Variants in TENM3 observed in about 807,000 individuals in gnomAD.
TENM3 encodes the protein teneurin-3.
In TENM3, 63 loss-of-function variants were observed where a neutral mutation model predicts 255.1. That is an observed-to-expected ratio of 0.25 (90% confidence interval 0.20 to 0.30). TENM3 has a LOEUF of 0.30. Ranked by LOEUF, TENM3 falls within the 10% of genes least tolerant of loss-of-function variation. TENM3 has a pLI of 1.00. For synonymous variants in TENM3, 1,306 were observed against 1,322.3 expected, an observed-to-expected ratio of 0.99 and a Z score of 0.27; for missense variants, 2,929 against 3,461.1, an observed-to-expected ratio of 0.85 and a Z score of 3.86.
chr4:181,902,409 T>G, the TENM3 span, among the ~76,000 whole-genome samples: 1 of 152,124 alleles, frequency 6.6e-6, no homozygotes, highest in Non-Finnish European at 1.5e-5. Context: ...CTTTTGGTGT[T>G]TTAGTCAGGA....
intron 22 of TENM3, among the ~76,000 whole-genome samples, chr4:182,769,326 A>T (rs1271957275): frequency 2.0e-5 from 3 of 152,046 alleles, no homozygotes; most frequent in Non-Finnish European, 2.9e-5. Context: ...CCTTAGTCAG[A>T]GTCCCCGGGT....
At chr4:182,767,522 C>T (rs1763819678) in intron 22 of TENM3, among the ~76,000 whole-genome samples, 1 of 151,978 alleles carries the variant, frequency 6.6e-6, no homozygotes, top group Admixed American at 6.6e-5. Flanking sequence ...GAAATTTGAG[C>T]CTACGCAACT....
the TENM3 span, among the ~76,000 whole-genome samples, chr4:181,951,457 G>T: frequency 6.6e-6 from 1 of 152,226 alleles, no homozygotes; most frequent in African/African-American, 2.4e-5. Flanking sequence ...TGTTGACAGA[G>T]GTTGACACTT....
At chr4:181,690,562 A>G in the TENM3 span, among the ~76,000 whole-genome samples, 1 of 152,216 alleles carries the variant, frequency 6.6e-6, no homozygotes, top group Admixed American at 6.5e-5. Flanking sequence ...TCATACTGAA[A>G]AAAATTTATG....
chr4:182,431,544 G>A (rs549718865), intron 3 of TENM3, among the ~76,000 whole-genome samples: 1 of 152,182 alleles, frequency 6.6e-6, no homozygotes, highest in South Asian at 2.1e-4. Context: ...CCTAACTAAG[G>A]AACAACAGAA....
the TENM3 span, chr4:181,522,644 CAT>C: frequency 1.4e-5 from 8 of 583,232 alleles, no homozygotes; most frequent in Non-Finnish European, 2.6e-5. Context: ...ATGTTGTAGC[CAT>C]AGTTTTCAGA....
chr4:181,943,806 C>A, the TENM3 span, among the ~76,000 whole-genome samples: 1 of 152,132 alleles, frequency 6.6e-6, no homozygotes, highest in Non-Finnish European at 1.5e-5. Context: ...AGCAATCACC[C>A]CAATTATTCA....
At chr4:181,623,004 C>T in the TENM3 span, among the ~76,000 whole-genome samples, 1 of 152,142 alleles carries the variant, frequency 6.6e-6, no homozygotes, top group Non-Finnish European at 1.5e-5. Flanking sequence ...GTAGAAGGGA[C>T]ATTGATAAAC....
the TENM3 span, among the ~76,000 whole-genome samples, chr4:181,619,676 G>A: frequency 0.18 from 27,294 of 151,834 alleles, 3,003 homozygotes; most frequent in East Asian, 0.34. Context: ...CAATCCTCTC[G>A]CCTCAGCCTC....
chr4:181,533,155 G>T, the TENM3 span, among the ~76,000 whole-genome samples: 1 of 152,186 alleles, frequency 6.6e-6, no homozygotes, highest in African/African-American at 2.4e-5. Context: ...AAGAAGCAAG[G>T]ATCCAGCTAC....
At chr4:181,785,234 T>A in the TENM3 span, among the ~76,000 whole-genome samples, 20 of 152,218 alleles carry the variant, frequency 1.3e-4, 1 homozygote, top group African/African-American at 4.8e-4. Context: ...GATGATAACA[T>A]ACAGATTTGT....
intron 1 of TENM3, among the ~76,000 whole-genome samples, chr4:182,152,967 T>A (rs1360077371): frequency 6.6e-6 from 1 of 151,896 alleles, no homozygotes; most frequent in African/African-American, 2.4e-5. Context: ...ATTTTATATA[T>A]TTTGAGATTC....
At chr4:182,769,965 G>A (rs1192285307) in intron 22 of TENM3, among the ~76,000 whole-genome samples, 2 of 150,990 alleles carry the variant, frequency 1.3e-5, no homozygotes, top group Non-Finnish European at 2.9e-5. Flanking sequence ...AATTACCTGG[G>A]CGTGGTGGCG....
the TENM3 span, among the ~76,000 whole-genome samples, chr4:181,952,135 G>T: frequency 6.6e-6 from 1 of 152,214 alleles, no homozygotes. Context: ...AATTAGGGAT[G>T]TGATCTGTGG....
the TENM3 span, among the ~76,000 whole-genome samples, chr4:181,658,283 G>T: frequency 6.6e-6 from 1 of 152,146 alleles, no homozygotes; most frequent in African/African-American, 2.4e-5. Flanking sequence ...GTTAAACTAA[G>T]AAATCACATG....
At chr4:181,754,750 ACT>A in the TENM3 span, among the ~76,000 whole-genome samples, 1 of 151,814 alleles carries the variant, frequency 6.6e-6, no homozygotes, top group Non-Finnish European at 1.5e-5. Context: ...TACAGTCATG[ACT>A]CTCGTTTCAG....
the TENM3 span, among the ~76,000 whole-genome samples, chr4:181,613,655 C>T: frequency 5.9e-5 from 9 of 152,164 alleles, no homozygotes; most frequent in East Asian, 7.7e-4. Flanking sequence ...AAAAATAACA[C>T]GTCCTTCCCC....
At chr4:181,526,612 C>T in the TENM3 span, among the ~76,000 whole-genome samples, 1 of 152,088 alleles carries the variant, frequency 6.6e-6, no homozygotes, top group Non-Finnish European at 1.5e-5. Flanking sequence ...TTCGAGGGCA[C>T]TTACTCTTAA....
chr4:182,732,994 C>T (rs1760895268), intron 16 of TENM3, among the ~76,000 whole-genome samples: 2 of 152,170 alleles, frequency 1.3e-5, no homozygotes, highest in Admixed American at 1.3e-4. Flanking sequence ...AGCAGTAAAC[C>T]ACTCAGATGA....
Sources: gnomAD v4.1 joint callset for allele counts (sites outside exome capture counted in the v4.1 genomes callset) on GRCh38, gnomAD v4.1.1 for gene constraint, MANE v1.5 for transcripts, NCBI Gene and HGNC (gene_info 2026-07-23, HGNC 2026-07-21) for gene names.